CTDSPL: variants seen among roughly 807,000 people sequenced by gnomAD.
CTDSPL encodes CTD small phosphatase like.
CTDSPL carries 8 observed loss-of-function variants against 30.5 expected under a neutral mutation model. The observed-to-expected ratio is 0.26, with a 90% CI of 0.15 to 0.47. The LOEUF is 0.47. Among genes scored for constraint, CTDSPL ranks in the 20% least tolerant of loss-of-function variants. CTDSPL has a pLI of 0.99. For missense variants in CTDSPL, 248 were observed against 366.1 expected (o/e 0.68, Z 2.63); for synonymous variants, 110 against 137.9 (o/e 0.80, Z 1.42).
chr3:37,897,435 C>T (rs959183401), intron 1 of CTDSPL, among the ~76,000 whole-genome samples: 19 of 152,106 alleles, frequency 1.2e-4, no homozygotes, highest in African/African-American at 1.7e-4. Flanking sequence ...AGAATGCTTA[C>T]GTCATTCTGC....
Position 37,984,388 on chromosome 3 carries a change from G to A in CTDSPL, c.*3521G>A, listed in dbSNP as rs780455323. The A allele has an allele frequency of 4.5e-6, 2 of 441,992 alleles. No individual in the cohort carries two copies. The highest frequency in any genetic ancestry group is 9.3e-6 in the Non-Finnish European group (2 of 216,040). 27.4% of individuals were successfully genotyped at this position (441,992 alleles called of 1,614,324 possible). On this transcript the variant is annotated 3_prime_UTR_variant, in exon 8 of 8. Transcript: ENST00000273179. Reference sequence around the variant, plus strand: ...TTAGGAAATGCTACATGCGGAATGTGCACGTTTCCAGGGGCGAGTATTGTC... The same window carrying A: ...TTAGGAAATGCTACATGCGGAATGTACACGTTTCCAGGGGCGAGTATTGTC...
rs1428756351 is a variant in CTDSPL, at chr3:37,862,118, C to A, written c.-82C>A. The A allele has an allele frequency of 1.9e-6, 1 of 518,076 alleles. No individual in the cohort carries two copies. Among genetic ancestry groups the A allele is most frequent in the Admixed American group, 6.7e-5 (1 of 14,888 alleles). The allele number at this position is 518,076 out of a possible 1,614,324, so 32.1% of individuals were successfully genotyped here. A position where few individuals can be genotyped will look rare whatever the true frequency, so the allele number is the denominator to read the frequency against. ...GCTGCGAGCGCCCCCCCGCGCCGCGCCCCCGCGCCCCCCGCGCCGCGCCCC... is the reference window on the plus strand; with the variant it reads ...GCTGCGAGCGCCCCCCCGCGCCGCGACCCCGCGCCCCCCGCGCCGCGCCCC... On this transcript the variant is annotated 5_prime_UTR_variant, in exon 1 of 8. Transcript: ENST00000273179. The surrounding 1 kb of genome is among the most constrained non-coding windows in gnomAD (Gnocchi z 4.3).
intron 1 of CTDSPL, among the ~76,000 whole-genome samples, chr3:37,864,910 G>C (rs1307379978): frequency 6.6e-6 from 1 of 152,090 alleles, no homozygotes; most frequent in Non-Finnish European, 1.5e-5. Context: ...AATAGGAATA[G>C]TAATGACTAC....
At chr3:37,914,019 G>A (rs1559632124) in intron 1 of CTDSPL, among the ~76,000 whole-genome samples, 1 of 152,192 alleles carries the variant, frequency 6.6e-6, no homozygotes, top group African/African-American at 2.4e-5. Flanking sequence ...CTGTAGGCGA[G>A]TTTGGCAGAA....
At chr3:37,871,822 A>T (rs1283617741) in intron 1 of CTDSPL, among the ~76,000 whole-genome samples, 1 of 151,898 alleles carries the variant, frequency 6.6e-6, no homozygotes, top group Non-Finnish European at 1.5e-5. Flanking sequence ...TTTCTCCCCT[A>T]TGTTGTTCAG....
chr3:37,893,725 A>G (rs1036982780), intron 1 of CTDSPL, among the ~76,000 whole-genome samples: 1 of 152,182 alleles, frequency 6.6e-6, no homozygotes, highest in East Asian at 1.9e-4. Context: ...ATAATTGCGG[A>G]AAAGGAGGAA....
At chr3:37,893,928 T>C (rs1175417397) in intron 1 of CTDSPL, among the ~76,000 whole-genome samples, 1 of 152,220 alleles carries the variant, frequency 6.6e-6, no homozygotes, top group Non-Finnish European at 1.5e-5. Flanking sequence ...TTGAAGTTTG[T>C]ATGAATTGGT....
At chr3:37,876,389 C>A (rs145816753) in intron 1 of CTDSPL, among the ~76,000 whole-genome samples, 1 of 152,164 alleles carries the variant, frequency 6.6e-6, no homozygotes, top group Non-Finnish European at 1.5e-5. Context: ...TTTCCATCAC[C>A]CCCAAAATAT....
chr3:37,945,297 A>C (rs1389436884), intron 1 of CTDSPL, among the ~76,000 whole-genome samples: 1 of 150,416 alleles, frequency 6.6e-6, no homozygotes, highest in Non-Finnish European at 1.5e-5. Flanking sequence ...ATCTAACCTA[A>C]GTTGTTTCAA....
intron 1 of CTDSPL, chr3:37,911,785 G>A (rs1202070478): frequency 1.1e-5 from 5 of 454,810 alleles, no homozygotes; most frequent in South Asian, 4.7e-5. Context: ...ACAGCCAGGC[G>A]CGGTGGTTCA....
At chr3:37,929,318 A>T (rs189937244) in intron 1 of CTDSPL, among the ~76,000 whole-genome samples, 78 of 152,296 alleles carry the variant, frequency 5.1e-4, no homozygotes, top group African/African-American at 1.7e-3. Flanking sequence ...TGCAACAAAA[A>T]CAAAAGCCGT....
chr3:37,889,479 A>G (rs76530143), intron 1 of CTDSPL, among the ~76,000 whole-genome samples: 1 of 152,306 alleles, frequency 6.6e-6, no homozygotes, highest in African/African-American at 2.4e-5. Flanking sequence ...AGAGACAGAA[A>G]ATAGGGGAGA....
intron 1 of CTDSPL, among the ~76,000 whole-genome samples, chr3:37,869,239 G>T (rs527442528): frequency 3.9e-5 from 6 of 152,028 alleles, no homozygotes; most frequent in Non-Finnish European, 8.8e-5. Flanking sequence ...AAGGTAATTA[G>T]CATATCCATC....
At chr3:37,955,401 TG>T (rs1473314120) in intron 2 of CTDSPL, among the ~76,000 whole-genome samples, 2 of 152,094 alleles carry the variant, frequency 1.3e-5, no homozygotes, top group Non-Finnish European at 2.9e-5. Flanking sequence ...CATTCCAACC[TG>T]GGTGACAGAG....
intron 1 of CTDSPL, among the ~76,000 whole-genome samples, chr3:37,885,810 G>T (rs183212189): frequency 6.6e-6 from 1 of 152,166 alleles, no homozygotes; most frequent in East Asian, 1.9e-4. Context: ...CTGCAAAGGG[G>T]TGGAGATTTA....
At chr3:37,965,030 T>G (rs1699284312) in intron 4 of CTDSPL, among the ~76,000 whole-genome samples, 2 of 152,086 alleles carry the variant, frequency 1.3e-5, no homozygotes, top group Non-Finnish European at 2.9e-5. Flanking sequence ...TGCTATGTGT[T>G]TTATTGGGAG....
intron 5 of CTDSPL, among the ~76,000 whole-genome samples, chr3:37,970,104 C>G (rs766608416): frequency 6.6e-6 from 1 of 152,192 alleles, no homozygotes; most frequent in Non-Finnish European, 1.5e-5. Context: ...CCTCTGATGG[C>G]TGGGCACACA....
At chr3:37,886,326 C>T (rs938686288) in intron 1 of CTDSPL, among the ~76,000 whole-genome samples, 1 of 152,142 alleles carries the variant, frequency 6.6e-6, no homozygotes, top group Non-Finnish European at 1.5e-5. Flanking sequence ...CATTTCCCTC[C>T]CGACCCACTT....
intron 1 of CTDSPL, among the ~76,000 whole-genome samples, chr3:37,913,165 C>T (rs564113207): frequency 3.3e-5 from 5 of 152,026 alleles, no homozygotes; most frequent in East Asian, 3.9e-4. Flanking sequence ...TACAAAAACG[C>T]GTAAATTAGC....
Sources: allele counts gnomAD v4.1 joint callset (sites outside exome capture counted in the v4.1 genomes callset), GRCh38; gene constraint gnomAD v4.1.1; non-coding constraint Gnocchi (gnomAD v3.1); transcripts MANE v1.5; gene names NCBI Gene and HGNC (gene_info 2026-07-23, HGNC 2026-07-21).